NPEPPS: variants seen among roughly 807,000 people sequenced by gnomAD.
NPEPPS encodes aminopeptidase puromycin sensitive.
In NPEPPS, 14 loss-of-function variants were observed where a neutral mutation model predicts 115.5. That is an observed-to-expected ratio of 0.12 (90% CI 0.08 to 0.19). The LOEUF is 0.19. Among genes scored for constraint, NPEPPS ranks in the 10% least tolerant of loss-of-function variants. NPEPPS has a pLI of 1.00. For missense variants in NPEPPS, 523 were observed against 1,110.8 expected (o/e 0.47, Z 7.52); for synonymous variants, 285 against 390.6 (o/e 0.73, Z 3.19).
chr17:47,587,591 A>G (rs1205395535), intron 9 of NPEPPS, among the ~76,000 whole-genome samples: 1 of 152,178 alleles, frequency 6.6e-6, no homozygotes, highest in Non-Finnish European at 1.5e-5. Context: ...TGCAAGTGGG[A>G]AAAGTCAAGA....
chr17:47,523,723 C>G (rs1412231530), intron 1 of NPEPPS, among the ~76,000 whole-genome samples: 1 of 151,896 alleles, frequency 6.6e-6, no homozygotes, highest in Non-Finnish European at 1.5e-5. Flanking sequence ...ATGCCTGGCC[C>G]AATAATAGGC....
rs1229014394 is a variant in NPEPPS, at chr17:47,601,617, G to T, written c.1610G>T (p.Cys537Phe). The change falls in exon 15 of 23, where the codon TGT becomes TTT. Residue 537 changes from cysteine to phenylalanine, a missense_variant. Cys to Phe is a radical substitution (Grantham distance 205, BLOSUM62 -2). Transcript: ENST00000322157. Reference protein sequence around the residue: ...CAGGSYVGEDCPQWMVPITIS... With the variant: ...CAGGSYVGEDFPQWMVPITIS... ...TTCTTCTCTGGCTTAGGTGAAGATT[G>T]TCCCCAGTGGATGGTCCCTATCACA... The T allele has an allele frequency of 4.3e-6, 7 of 1,612,908 alleles. No individual in the cohort carries two copies. Among genetic ancestry groups the T allele is most frequent in the East Asian group, 4.5e-5 (2 of 44,828 alleles).
intron 17 of NPEPPS, among the ~76,000 whole-genome samples, chr17:47,607,086 G>A (rs1159601961): frequency 6.6e-6 from 1 of 152,014 alleles, no homozygotes; most frequent in Non-Finnish European, 1.5e-5. Context: ...TTAGCTACTC[G>A]GGAGGCTGAG....
intron 1 of NPEPPS, among the ~76,000 whole-genome samples, chr17:47,544,544 ATTTATTTT>A (rs1822341222): frequency 8.1e-6 from 1 of 123,240 alleles, no homozygotes; most frequent in African/African-American, 2.9e-5. Context: ...TTATTTATTT[ATTTATTTT>A]GAGATAGAGT....
intron 1 of NPEPPS, among the ~76,000 whole-genome samples, chr17:47,537,710 A>G (rs1017320595): frequency 7.2e-5 from 11 of 152,000 alleles, no homozygotes; most frequent in Non-Finnish European, 4.4e-5. Flanking sequence ...TTAAAAAAAA[A>G]AAAAAAGTTG....
chr17:47,541,110 C>T (rs1289968324), intron 1 of NPEPPS, among the ~76,000 whole-genome samples: 3 of 152,054 alleles, frequency 2.0e-5, no homozygotes, highest in Non-Finnish European at 4.4e-5. Context: ...TACTTTCTCT[C>T]GAATGGTTGC....
At chr17:47,581,877 G>C (rs1489454806) in intron 4 of NPEPPS, 1 of 152,050 alleles carries the variant, frequency 6.6e-6, no homozygotes, top group Admixed American at 6.6e-5. Context: ...TGTATTTTTA[G>C]TAGAGACGGG....
chr17:47,614,879 T>C (rs2143968933), intron 19 of NPEPPS, among the ~76,000 whole-genome samples: 1 of 152,334 alleles, frequency 6.6e-6, no homozygotes, highest in Admixed American at 6.5e-5. Context: ...CTCTTCTGAC[T>C]TACAGGGAGT....
In NPEPPS at chr17:47,622,677, T is replaced by C; in HGVS notation, c.*757T>C. 1 of 347,202 alleles carries C rather than the reference T, an allele frequency of 2.9e-6. No homozygotes were observed. The highest frequency in any genetic ancestry group is 5.4e-6 in the Non-Finnish European group (1 of 185,188). The allele number at this position is 347,202 out of a possible 1,614,324, so 21.5% of individuals were successfully genotyped here. A position where few individuals can be genotyped will look rare whatever the true frequency, so the allele number is the denominator to read the frequency against. On this transcript the variant is annotated 3_prime_UTR_variant, in exon 23 of 23. Transcript: ENST00000322157. ...TGAAGAAATAATAAGGAAACATCTTTCATAGCCACATTAAATAAGAGAAAC... is the reference window on the plus strand; with the variant it reads ...TGAAGAAATAATAAGGAAACATCTTCCATAGCCACATTAAATAAGAGAAAC...
chr17:47,587,155 G>C (rs1912241781), intron 8 of NPEPPS, 75 bp from the exon 9 acceptor site: 3 of 1,441,264 alleles, frequency 2.1e-6, no homozygotes, highest in Non-Finnish European at 2.8e-6. Flanking sequence ...CTGACTTACT[G>C]TCTGAATCTT....
In NPEPPS at chr17:47,531,677, A is replaced by T. The variant is rs1216952786; in HGVS notation, c.255+122A>T. ...CCTCGGGTCGGGGCTGGGCGGCCGC[A>T]GGGCGCCGGGTTCGGCGTGCTCTGC... On this transcript the variant is annotated intron_variant, in intron 1 of 22. Coordinates refer to ENST00000322157, the MANE Select transcript of NPEPPS (RefSeq NM_006310.4). The T allele has an allele frequency of 1.9e-5, 20 of 1,053,344 alleles. No homozygotes were observed. In the Middle Eastern group the frequency reaches 1.8e-3, roughly 94 times the overall value. 65.2% of individuals were successfully genotyped at this position (1,053,344 alleles called of 1,614,324 possible).
chr17:47,621,316 C>T (rs1914559017), intron 22 of NPEPPS, among the ~76,000 whole-genome samples: 1 of 151,886 alleles, frequency 6.6e-6, no homozygotes, highest in South Asian at 2.1e-4. Context: ...TCCTTAAGTA[C>T]TCTGTGCTAG....
intron 16 of NPEPPS, among the ~76,000 whole-genome samples, chr17:47,605,071 G>A (rs1000652067): frequency 1.3e-5 from 2 of 152,104 alleles, no homozygotes; most frequent in South Asian, 2.1e-4. Flanking sequence ...GACTCTTAGT[G>A]TAATTTTTAA....
Position 47,619,908 on chromosome 17 carries a change from T to C in NPEPPS, c.2607+124T>C, listed in dbSNP as rs1357522280. Reference sequence around the variant, plus strand: ...CTGTGTTTTTGTTTAGAGAAAGACATCATGCAGGGCTGTATAGGCCATATT... The same window carrying C: ...CTGTGTTTTTGTTTAGAGAAAGACACCATGCAGGGCTGTATAGGCCATATT... On this transcript the variant is annotated intron_variant, in intron 22 of 22. Transcript: ENST00000322157. 4.3e-5 allele frequency: 35 copies of C among 816,326 alleles called. 1 individual carries two copies. The East Asian group carries it at 8.2e-4, about 19-fold the overall frequency. The allele number at this position is 816,326 out of a possible 1,614,324, so 50.6% of individuals were successfully genotyped here.
At chr17:47,609,406 C>T (rs929679280) in intron 17 of NPEPPS, among the ~76,000 whole-genome samples, 1 of 152,140 alleles carries the variant, frequency 6.6e-6, no homozygotes, top group Non-Finnish European at 1.5e-5. Flanking sequence ...GGGAGAATGC[C>T]TTCAATTTCC....
At chr17:47,541,610 C>T (rs985200055) in intron 1 of NPEPPS, among the ~76,000 whole-genome samples, 1 of 152,120 alleles carries the variant, frequency 6.6e-6, no homozygotes, top group Non-Finnish European at 1.5e-5. Flanking sequence ...CCCCTGACCT[C>T]GTGATCCACC....
chr17:47,553,435 T>A (rs1220058314), intron 2 of NPEPPS, among the ~76,000 whole-genome samples: 1 of 151,840 alleles, frequency 6.6e-6, no homozygotes, highest in Non-Finnish European at 1.5e-5. Flanking sequence ...CCCTGGTATC[T>A]GACATATAGT....
chr17:47,522,988 TG>T lies in NPEPPS; in HGVS notation c.4del (p.Ala2?). The T allele has an allele frequency of 6.8e-7, 1 of 1,469,442 alleles. No homozygotes were observed. The highest frequency in any genetic ancestry group is 9.2e-7 in the Non-Finnish European group (1 of 1,086,860). The allele number at this position is 1,469,442 out of a possible 1,614,324, so 91.0% of individuals were successfully genotyped here. A position where few individuals can be genotyped will look rare whatever the true frequency, so the allele number is the denominator to read the frequency against. The stretch of plus-strand genomic sequence containing the variant: ...CGGAAGAGTCAAGGCTGGGACCTCA[TG>T]GCATCATTTTCCATGGATTGCTCTC... On this transcript the variant is annotated frameshift_variant and start_lost, in exon 1 of 6. Coordinates refer to the NPEPPS transcript ENST00000525007. LOFTEE classifies it high-confidence loss of function.
intron 2 of NPEPPS, 38 bp from the exon 3 acceptor site, chr17:47,569,379 C>T (rs796245067): frequency 7.5e-7 from 1 of 1,327,122 alleles, no homozygotes. Context: ...CTTGTCAGTC[C>T]AGTCAGAATT....
Sources: gnomAD v4.1 joint callset for allele counts (sites outside exome capture counted in the v4.1 genomes callset) on GRCh38, gnomAD v4.1.1 for gene constraint, MANE v1.5 for transcripts, NCBI Gene and HGNC (gene_info 2026-07-23, HGNC 2026-07-21) for gene names.